Variants in SNTG1 observed in about 807,000 individuals in gnomAD.
SNTG1 encodes syntrophin gamma 1.
SNTG1 carries 39 observed loss-of-function variants against 74.7 expected under a neutral mutation model. The observed-to-expected ratio is 0.52, with a 90% CI of 0.40 to 0.68. The LOEUF (loss-of-function observed/expected upper bound fraction) is 0.68. Ranked by LOEUF, SNTG1 falls within the 30% of genes least tolerant of loss-of-function variation. The pLI is 0.00. For synonymous variants in SNTG1, 254 were observed against 217.1 expected (o/e 1.17, Z -1.49); for missense variants, 685 against 609.5 (o/e 1.12, Z -1.30).
At chr8:50,752,828 G>C (rs984768848) in intron 18 of SNTG1, among the ~76,000 whole-genome samples, 4 of 151,938 alleles carry the variant, frequency 2.6e-5, no homozygotes, top group African/African-American at 9.7e-5. Flanking sequence ...GTTTAGATTA[G>C]ACACTCTCCT....
At chr8:50,159,384 T>C (rs934830665) in intron 1 of SNTG1, among the ~76,000 whole-genome samples, 3 of 152,190 alleles carry the variant, frequency 2.0e-5, no homozygotes, top group African/African-American at 7.2e-5. Context: ...ATTCCTATTA[T>C]TTGCCTACTG....
At chr8:50,539,633 T>G (rs1322551572) in intron 11 of SNTG1, among the ~76,000 whole-genome samples, 8 of 152,184 alleles carry the variant, frequency 5.3e-5, no homozygotes, top group African/African-American at 1.9e-4. Flanking sequence ...GGCACAGTAC[T>G]TGTCCCATCT....
chr8:50,215,837 C>T (rs2084765164), intron 2 of SNTG1, among the ~76,000 whole-genome samples: 1 of 151,954 alleles, frequency 6.6e-6, no homozygotes, highest in Non-Finnish European at 1.5e-5. Context: ...TGGCATCTGC[C>T]ACATGGATAA....
At chr8:50,396,342 A>C (rs997404098) in intron 3 of SNTG1, among the ~76,000 whole-genome samples, 3 of 152,212 alleles carry the variant, frequency 2.0e-5, no homozygotes, top group Non-Finnish European at 4.4e-5. Context: ...CCAAGTGTTC[A>C]GGAAAGTGAG....
chr8:50,468,961 C>G (rs1247680729), intron 8 of SNTG1, among the ~76,000 whole-genome samples: 1 of 152,146 alleles, frequency 6.6e-6, no homozygotes, highest in Non-Finnish European at 1.5e-5. Flanking sequence ...ATTTATTTTA[C>G]TTATCCATAA....
At chr8:50,655,569 A>G (rs914604971) in intron 13 of SNTG1, among the ~76,000 whole-genome samples, 3 of 152,200 alleles carry the variant, frequency 2.0e-5, no homozygotes, top group Admixed American at 1.3e-4. Flanking sequence ...ATTTATTTAA[A>G]TCACAATCCC....
At chr8:50,001,276 C>A (rs1240436338) in intron 1 of SNTG1, among the ~76,000 whole-genome samples, 1 of 152,116 alleles carries the variant, frequency 6.6e-6, no homozygotes, top group African/African-American at 2.4e-5. Context: ...CACCCTCCCA[C>A]AGAGACTGAG....
At chr8:50,632,149 A>T (rs2095003035) in intron 13 of SNTG1, among the ~76,000 whole-genome samples, 1 of 152,094 alleles carries the variant, frequency 6.6e-6, no homozygotes. Flanking sequence ...CAAAATACAG[A>T]AGTGTCAAGT....
At chr8:50,730,626 G>T (rs1194554430) in intron 17 of SNTG1, among the ~76,000 whole-genome samples, 1 of 152,084 alleles carries the variant, frequency 6.6e-6, no homozygotes, top group East Asian at 1.9e-4. Flanking sequence ...AATCATTATA[G>T]ACATTCATAA....
chr8:50,191,720 C>T (rs891997671), intron 2 of SNTG1, among the ~76,000 whole-genome samples: 1 of 151,998 alleles, frequency 6.6e-6, no homozygotes, highest in Non-Finnish European at 1.5e-5. Context: ...AATGCTCTAC[C>T]TCCCCTTTCT....
At chr8:50,496,996 A>T (rs2448941) in intron 8 of SNTG1, among the ~76,000 whole-genome samples, 1 of 150,454 alleles carries the variant, frequency 6.6e-6, no homozygotes, top group Admixed American at 6.6e-5. Flanking sequence ...AAAAAACACT[A>T]TCTCAATCCT....
chr8:50,036,234 A>G (rs1818151145), intron 1 of SNTG1, among the ~76,000 whole-genome samples: 1 of 152,250 alleles, frequency 6.6e-6, no homozygotes, highest in Non-Finnish European at 1.5e-5. Flanking sequence ...AAAAAGCTAC[A>G]AAACAGTTCA....
intron 8 of SNTG1, among the ~76,000 whole-genome samples, chr8:50,477,201 T>A (rs1322787976): frequency 6.6e-6 from 1 of 152,028 alleles, no homozygotes; most frequent in Non-Finnish European, 1.5e-5. Flanking sequence ...TCTGACTTCC[T>A]TATGAAGAAT....
Position 50,658,691 on chromosome 8 carries a change from A to C in SNTG1, c.1038+28A>C, listed in dbSNP as rs371077520. On this transcript the variant is annotated intron_variant, in intron 15 of 18. Transcript: ENST00000642720. Reference sequence around the variant, plus strand: ...ATGATCAATATGTAGTCAGTATTTGAATGGCTTTTCCTCAGCAAATAGTGC... The same window carrying C: ...ATGATCAATATGTAGTCAGTATTTGCATGGCTTTTCCTCAGCAAATAGTGC... 4.6e-6 allele frequency: 7 copies of C among 1,531,242 alleles called. No homozygotes were observed. The African/African-American group carries it at 9.6e-5, about 21-fold the overall frequency. 94.9% of individuals were successfully genotyped at this position (1,531,242 alleles called of 1,614,324 possible).
chr8:50,069,476 G>T (rs556168457), intron 1 of SNTG1, among the ~76,000 whole-genome samples: 1 of 151,050 alleles, frequency 6.6e-6, no homozygotes, highest in East Asian at 1.9e-4. Context: ...AATAAAAATT[G>T]GTGTTTAAAA....
chr8:50,467,717 T>C (rs979814379), intron 8 of SNTG1, among the ~76,000 whole-genome samples: 1 of 151,992 alleles, frequency 6.6e-6, no homozygotes, highest in Admixed American at 6.5e-5. Context: ...TAATTCTGTA[T>C]TGTGAGAGCT....
At chr8:50,532,726 G>C (rs2094278923) in intron 10 of SNTG1, among the ~76,000 whole-genome samples, 1 of 152,188 alleles carries the variant, frequency 6.6e-6, no homozygotes, top group Admixed American at 6.5e-5. Flanking sequence ...AGAGGTCAAA[G>C]ACATGAAATA....
intron 1 of SNTG1, among the ~76,000 whole-genome samples, chr8:50,130,516 A>G (rs573221060): frequency 6.6e-6 from 1 of 152,278 alleles, no homozygotes; most frequent in African/African-American, 2.4e-5. Flanking sequence ...TACTATCATG[A>G]TAATGGAAAC....
chr8:50,310,347 T>A (rs1287769166), intron 2 of SNTG1, among the ~76,000 whole-genome samples: 3 of 152,224 alleles, frequency 2.0e-5, no homozygotes, highest in Non-Finnish European at 4.4e-5. Context: ...TGAATGCAGT[T>A]CTAAGAGTAG....
Sources: allele counts gnomAD v4.1 joint callset (sites outside exome capture counted in the v4.1 genomes callset), GRCh38; gene constraint gnomAD v4.1.1; transcripts MANE v1.5; gene names NCBI Gene and HGNC (gene_info 2026-07-23, HGNC 2026-07-21).